CASP10: variants seen among roughly 807,000 people sequenced by gnomAD.
CASP10 encodes the protein caspase-10.
CASP10 carries 41 observed loss-of-function variants against 48.5 expected under a neutral mutation model. That is an observed-to-expected ratio of 0.85 (90% CI 0.66 to 1.10). CASP10 has a LOEUF of 1.10. CASP10 is among the 50% of genes least tolerant of loss of function. The pLI is 0.00. For missense variants in CASP10, 614 were observed against 614.5 expected, an observed-to-expected ratio of 1.00 and a Z score of 0.01; for synonymous variants, 232 against 238.4, an observed-to-expected ratio of 0.97 and a Z score of 0.25.
chr2:201,220,628 C>T lies in CASP10; in HGVS notation c.*2887C>T. On this transcript the variant is annotated 3_prime_UTR_variant, in exon 10 of 10. Transcript: ENST00000286186. ...AACTCTTAGTCTGTAAGTGAGTGGG[C>T]TCTGACCTAACTCGGCCAGAAGCCC... The T allele has an allele frequency of 2.3e-6, 1 of 432,324 alleles. No individual in the cohort carries two copies. The highest frequency in any genetic ancestry group is 3.1e-6 in the Non-Finnish European group (1 of 324,540). 26.8% of individuals were successfully genotyped at this position (432,324 alleles called of 1,614,324 possible).
At chr2:201,187,933 T>G in intron 3 of CASP10, 134 bp downstream of exon 3, 1 of 730,272 alleles carries the variant, frequency 1.4e-6, no homozygotes, top group Non-Finnish European at 2.4e-6. Context: ...AACATTGGCT[T>G]TGGTGCTGGA....
rs1241996489 is a variant in CASP10 at position 201,220,710 on chromosome 2, A to C, written c.*2969A>C. ...GTCCTTGGCTGTCAAGCCACCTTTC[A>C]TGTTTCTTTCCTCTTTCTTTAATTC... On this transcript the variant is annotated 3_prime_UTR_variant, in exon 10 of 10. Transcript: ENST00000286186. The C allele has an allele frequency of 1.0e-6, 1 of 981,148 alleles. No individual in the cohort carries two copies. Among genetic ancestry groups the C allele is most frequent in the East Asian group, 1.1e-4 (1 of 8,818 alleles). The allele number at this position is 981,148 out of a possible 1,614,324, so 60.8% of individuals were successfully genotyped here. A position where few individuals can be genotyped will look rare whatever the true frequency, so the allele number is the denominator to read the frequency against.
Position 201,218,625 on chromosome 2 carries a change from T to A in CASP10, c.*884T>A, listed in dbSNP as rs1559315349. ...CCTGGGGACCAGGTGCATTTTAAGG[T>A]TCCTTGGTGTTCAAAAACCACGTTC... On this transcript the variant is annotated 3_prime_UTR_variant, in exon 10 of 10. Transcript: ENST00000286186. 2.0e-6 allele frequency: 2 copies of A among 985,284 alleles called. No individual in the cohort carries two copies. Among genetic ancestry groups the A allele is most frequent in the Non-Finnish European group, 2.4e-6 (2 of 829,938 alleles). The allele number at this position is 985,284 out of a possible 1,614,324, so 61.0% of individuals were successfully genotyped here. A position where few individuals can be genotyped will look rare whatever the true frequency, so the allele number is the denominator to read the frequency against.
intron 9 of CASP10, among the ~76,000 whole-genome samples, chr2:201,216,807 C>A (rs1021865377): frequency 2.0e-5 from 3 of 152,172 alleles, no homozygotes; most frequent in Admixed American, 6.5e-5. Context: ...AATGATGGAG[C>A]CACAATTTAA....
rs1004852055 is a variant in CASP10, at chr2:201,221,588, A to G, written c.*3847A>G. The stretch of plus-strand genomic sequence containing the variant: ...AATCCTATAAAACGGCCCCACCCCT[A>G]TCTCCCTTCACTGACTTTCTTTTCG... On this transcript the variant is annotated 3_prime_UTR_variant, in exon 10 of 10. Coordinates refer to ENST00000286186, the MANE Select transcript of CASP10 (RefSeq NM_032977.4). 3.9e-5 allele frequency: 6 copies of G among 151,950 alleles called. No individual in the cohort carries two copies. Among genetic ancestry groups the G allele is most frequent in the Non-Finnish European group, 7.3e-5 (5 of 68,038 alleles). 9.4% of individuals were successfully genotyped at this position (151,950 alleles called of 1,614,324 possible).
At chr2:201,211,143 G>C (rs41452646) in intron 9 of CASP10, among the ~76,000 whole-genome samples, 1,639 of 152,236 alleles carry the variant, frequency 0.011, 21 homozygotes, top group Non-Finnish European at 0.02. Context: ...ACACCTTACT[G>C]ATTGATCGAT....
Position 201,218,675 on chromosome 2 carries a change from C to T in CASP10, c.*934C>T. 1 of 985,316 alleles carries T rather than the reference C, an allele frequency of 1.0e-6. No homozygotes were observed. Among genetic ancestry groups the T allele is most frequent in the Non-Finnish European group, 1.2e-6 (1 of 829,924 alleles). The allele number at this position is 985,316 out of a possible 1,614,324, so 61.0% of individuals were successfully genotyped here. ...CTTAGCCTAGATTGAGCTTAGATTG[C>T]CTCTCTAGACAACTACCCCTTAGTT... On this transcript the variant is annotated 3_prime_UTR_variant, in exon 10 of 10. Coordinates refer to ENST00000286186, the MANE Select transcript of CASP10 (RefSeq NM_032977.4).
In CASP10 at chr2:201,209,463, G is replaced by T. The variant is rs764646945; in HGVS notation, c.1316G>T (p.Gly439Val). The change falls in exon 9 of 10, where the codon GGT (glycine) becomes GTT (valine). Residue 439 changes from glycine (G) to valine (V), a missense_variant. Coordinates refer to ENST00000286186, the MANE Select transcript of CASP10 (RefSeq NM_032977.4). ...CCTGCCGAGGCTGACTTCCTACTTG[G>T]TCTGGCCACTGTCCCAGGCTATGTA... ...SIPAEADFLL[G>V]LATVPGYVSF... is the part of the protein sequence containing the mutation. The T allele has an allele frequency of 1.2e-6, 2 of 1,614,016 alleles. No homozygotes were observed. Among genetic ancestry groups the T allele is most frequent in the South Asian group, 1.1e-5 (1 of 91,080 alleles).
rs112643579 is a variant in CASP10 at position 201,191,565 on chromosome 2, G to C, written c.442-1419G>C. ...TGTTTCCACACCAGGGCTCAGTGAG[G>C]CTGCATTATCTGCAACTGCAATTGC... On this transcript the variant is annotated intron_variant, in intron 3 of 9. Coordinates refer to ENST00000286186, the MANE Select transcript of CASP10 (RefSeq NM_032977.4). Among the ~76,000 whole-genome samples, 3 of 152,166 alleles carry C rather than the reference G, an allele frequency of 2.0e-5. No individual in the cohort carries two copies. In the East Asian group the frequency reaches 5.8e-4, roughly 29 times the overall value.
chr2:201,221,112 A>G lies in CASP10; in HGVS notation c.*3371A>G. The G allele has an allele frequency of 1.0e-6, 1 of 985,480 alleles. No individual in the cohort carries two copies. The highest frequency in any genetic ancestry group is 1.2e-6 in the Non-Finnish European group (1 of 829,956). 61.0% of individuals were successfully genotyped at this position (985,480 alleles called of 1,614,324 possible). Reference sequence around the variant, plus strand: ...TCTTCCGGTTGTAACTGCAACAGAAATAGCAGGACTTAAGTTCCTTTGTGC... The same window carrying G: ...TCTTCCGGTTGTAACTGCAACAGAAGTAGCAGGACTTAAGTTCCTTTGTGC... On this transcript the variant is annotated 3_prime_UTR_variant, in exon 10 of 10. Coordinates refer to ENST00000286186, the MANE Select transcript of CASP10 (RefSeq NM_032977.4).
chr2:201,218,358 A>T lies in CASP10; in HGVS notation c.*617A>T, dbSNP rs1397579011. On this transcript the variant is annotated 3_prime_UTR_variant, in exon 10 of 10. Coordinates refer to ENST00000286186, the MANE Select transcript of CASP10 (RefSeq NM_032977.4). ...CACTCCGTCACCTGGGCTGGAGTGC[A>T]GTGGTGGGATCACTGTTCACTGCAG... is the stretch of plus-strand genomic sequence containing the variant. 1 of 975,874 alleles carries T rather than the reference A, an allele frequency of 1.0e-6. No homozygotes were observed. Among genetic ancestry groups the T allele is most frequent in the Non-Finnish European group, 1.2e-6 (1 of 820,046 alleles). The allele number at this position is 975,874 out of a possible 1,614,324, so 60.5% of individuals were successfully genotyped here.
At chr2:201,202,224 C>G (rs1247791496) in intron 5 of CASP10, among the ~76,000 whole-genome samples, 2 of 152,266 alleles carry the variant, frequency 1.3e-5, no homozygotes, top group East Asian at 3.9e-4. Context: ...AGACCTAACA[C>G]CTGCTTCTTT....
intron 1 of CASP10, among the ~76,000 whole-genome samples, chr2:201,184,021 A>G (rs565298421): frequency 2.0e-5 from 3 of 151,884 alleles, no homozygotes; most frequent in Non-Finnish European, 2.9e-5. Flanking sequence ...TCAGCTTCCT[A>G]TGAAGCTGGG....
chr2:201,192,914 A>G (rs1944659316), intron 3 of CASP10, 70 bp from the exon 4 acceptor site: 2 of 1,506,160 alleles, frequency 1.3e-6, no homozygotes, highest in African/African-American at 1.4e-5. Context: ...CCTACTGGCC[A>G]TGCAGATAAC....
chr2:201,193,798 G>A lies in CASP10; in HGVS notation c.577+679G>A, dbSNP rs554503353. Among the ~76,000 whole-genome samples the A allele has an allele frequency of 4.6e-5, 7 of 152,294 alleles. No homozygotes were observed. The South Asian group carries it at 1.4e-3, about 32-fold the overall frequency. On this transcript the variant is annotated intron_variant, in intron 4 of 9. Coordinates refer to ENST00000286186, the MANE Select transcript of CASP10 (RefSeq NM_032977.4). ...ATGAAAAAGAAGGCAGGATAGCATGGGGTAAGAGTGGACTCTATAGAGTCG... is the reference window on the plus strand; with the variant it reads ...ATGAAAAAGAAGGCAGGATAGCATGAGGTAAGAGTGGACTCTATAGAGTCG...
chr2:201,229,115 C>G, exon 10 of CASP10: 1 of 1,613,326 alleles, frequency 6.2e-7, no homozygotes, highest in African/African-American at 1.3e-5. Context: ...TGCCTGCCTT[C>G]CAGCCACATC....
chr2:201,200,363 T>A (rs1576103729), intron 5 of CASP10: 7 of 1,312,218 alleles, frequency 5.3e-6, no homozygotes, highest in Non-Finnish European at 6.5e-6. Context: ...ACAATGCTTT[T>A]CTGACTCCAG....
intron 9 of CASP10, among the ~76,000 whole-genome samples, chr2:201,227,722 GT>G (rs367743257): frequency 1.6e-4 from 23 of 146,530 alleles, no homozygotes; most frequent in Non-Finnish European, 2.1e-4. Flanking sequence ...ATGCCCGGCT[GT>G]TTTTTTTTTG....
rs1944968710 is a variant in CASP10, at chr2:201,200,328, C to T, written c.685-3402C>T. ...GTCTGCTGATGATTCTTGTGTGATC[C>T]AGCATTTACTATGTTGGTTGTAAAA... On this transcript the variant is annotated intron_variant, in intron 5 of 9. Coordinates refer to ENST00000286186, the MANE Select transcript of CASP10 (RefSeq NM_032977.4). 1.3e-5 allele frequency: 12 copies of T among 899,892 alleles called. No individual in the cohort carries two copies. In the South Asian group the frequency reaches 1.5e-4, roughly 11 times the overall value. 55.7% of individuals were successfully genotyped at this position (899,892 alleles called of 1,614,324 possible).
Sources: gnomAD v4.1 joint callset for allele counts (sites outside exome capture counted in the v4.1 genomes callset) on GRCh38, gnomAD v4.1.1 for gene constraint, MANE v1.5 for transcripts, NCBI Gene and HGNC (gene_info 2026-07-23, HGNC 2026-07-21) for gene names.